The following TENM3 variants were observed in gnomAD, a reference collection of about 807,000 sequenced individuals.
The protein encoded by TENM3 is teneurin-3.
A neutral mutation model predicts 255.1 loss-of-function variants in TENM3; 63 were observed. The observed-to-expected ratio is 0.25, with a 90% CI of 0.20 to 0.30. The LOEUF (loss-of-function observed/expected upper bound fraction) is 0.30. Among genes scored for constraint, TENM3 ranks in the 10% least tolerant of loss-of-function variants. The probability of loss-of-function intolerance (pLI) is 1.00; values close to 1 mark genes in which losing one functional copy is unlikely to be tolerated. For synonymous variants in TENM3, 1,306 were observed against 1,322.3 expected, an observed-to-expected ratio of 0.99 and a Z score of 0.27; for missense variants, 2,929 against 3,461.1, an observed-to-expected ratio of 0.85 and a Z score of 3.86.
At chr4:181,533,696 A>G in the TENM3 span, among the ~76,000 whole-genome samples, 1 of 152,224 alleles carries the variant, frequency 6.6e-6, no homozygotes. Flanking sequence ...AACTATTTTC[A>G]GAGCCATTTT....
At chr4:182,081,948 C>T in the TENM3 span, 1 of 152,226 alleles carries the variant, frequency 6.6e-6, no homozygotes, top group South Asian at 2.1e-4. Flanking sequence ...GATACCAAAA[C>T]CCTATTGACA....
the TENM3 span, among the ~76,000 whole-genome samples, chr4:181,584,444 C>T: frequency 6.6e-6 from 1 of 152,180 alleles, no homozygotes; most frequent in African/African-American, 2.4e-5. Flanking sequence ...TACCAACATT[C>T]CACCTTGATG....
At chr4:181,633,156 A>T in the TENM3 span, among the ~76,000 whole-genome samples, 2 of 152,222 alleles carry the variant, frequency 1.3e-5, no homozygotes, top group Non-Finnish European at 2.9e-5. Flanking sequence ...GACAAAGGCT[A>T]TGCAGTTATT....
Position 182,799,780 on chromosome 4 carries a change from A to T in TENM3, c.7529A>T (p.Gln2510Leu), listed in dbSNP as rs1294629892. Residue 2510 changes from glutamine to leucine, a missense_variant, in exon 28 of 28, where the codon CAG becomes CTG. Physicochemically the swap from Gln to Leu is moderately radical, Grantham distance 113 (BLOSUM62 -2). Transcript: ENST00000511685. The surrounding 1 kb of genome is among the most constrained non-coding windows in gnomAD (Gnocchi z 4.2). ...CTGGCCGTCAGCCAGGGCCGCGTGC[A>T]GACCAACGTGCTCAACATCGCCAAC... The part of the protein sequence containing the change: ...VMLAVSQGRV[Q>L]TNVLNIANED... 3 of 1,595,828 alleles carry T rather than the reference A, an allele frequency of 1.9e-6. No individual in the cohort carries two copies. Among genetic ancestry groups the T allele is most frequent in the African/African-American group, 1.3e-5 (1 of 74,530 alleles).
At chr4:182,341,228 AT>A (rs963884626) in intron 2 of TENM3, among the ~76,000 whole-genome samples, 9 of 152,164 alleles carry the variant, frequency 5.9e-5, no homozygotes, top group African/African-American at 2.2e-4. Flanking sequence ...ATAGGCTTTA[AT>A]TTTTTCTTTA....
chr4:181,856,752 G>A, the TENM3 span, among the ~76,000 whole-genome samples: 1 of 152,162 alleles, frequency 6.6e-6, no homozygotes, highest in Admixed American at 6.5e-5. Context: ...GGCTCTCTCT[G>A]TTGTATTTAT....
intron 4 of TENM3, among the ~76,000 whole-genome samples, chr4:182,612,393 T>C (rs954895268): frequency 6.6e-6 from 1 of 152,108 alleles, no homozygotes; most frequent in African/African-American, 2.4e-5. Context: ...ACAGCATCAC[T>C]GTCAACTCCT....
At chr4:182,213,902 C>G (rs534064032) in intron 1 of TENM3, among the ~76,000 whole-genome samples, 1 of 151,894 alleles carries the variant, frequency 6.6e-6, no homozygotes, top group Non-Finnish European at 1.5e-5. Flanking sequence ...CCTGGGTTCA[C>G]GCCATTCTCC....
intron 8 of TENM3, among the ~76,000 whole-genome samples, 162 bp from the exon 9 acceptor site, chr4:182,680,086 G>A (rs1485747254): frequency 6.6e-6 from 1 of 152,180 alleles, no homozygotes; most frequent in Non-Finnish European, 1.5e-5. Flanking sequence ...CCTTGGGAGA[G>A]GAGAATATGT....
chr4:181,608,740 G>A, the TENM3 span, among the ~76,000 whole-genome samples: 1 of 152,166 alleles, frequency 6.6e-6, no homozygotes. Flanking sequence ...GCTGTGTCAA[G>A]GGGTTCAAGG....
chr4:181,656,507 A>G, the TENM3 span, among the ~76,000 whole-genome samples: 21 of 152,206 alleles, frequency 1.4e-4, no homozygotes, highest in African/African-American at 4.6e-4. Flanking sequence ...GATGACTGAC[A>G]TTCAGAACAC....
chr4:182,776,187 C>T (rs555840940), intron 24 of TENM3, among the ~76,000 whole-genome samples: 22 of 152,218 alleles, frequency 1.4e-4, no homozygotes, highest in African/African-American at 3.6e-4. Context: ...CCAAGGTAGG[C>T]GGACCACTTG....
intron 1 of TENM3, among the ~76,000 whole-genome samples, chr4:182,235,962 G>A (rs1053341486): frequency 1.3e-5 from 2 of 152,198 alleles, no homozygotes; most frequent in Non-Finnish European, 2.9e-5. Flanking sequence ...TATCCCAAGG[G>A]CAAAGAGAAG....
the TENM3 span, among the ~76,000 whole-genome samples, chr4:181,888,496 A>ATATATATGTATATATG: frequency 4.0e-5 from 1 of 24,696 alleles, no homozygotes; most frequent in Non-Finnish European, 1.1e-4. Flanking sequence ...AGAAATGTGT[A>ATATATATGTATATATG]TATATATATA....
At chr4:182,163,106 C>G (rs1361209741) in intron 1 of TENM3, among the ~76,000 whole-genome samples, 1 of 152,160 alleles carries the variant, frequency 6.6e-6, no homozygotes, top group East Asian at 1.9e-4. Context: ...GTCATTACGT[C>G]CTGCTCATTC....
the TENM3 span, among the ~76,000 whole-genome samples, chr4:181,685,746 T>C: frequency 6.7e-6 from 1 of 149,584 alleles, no homozygotes; most frequent in Admixed American, 6.6e-5. Flanking sequence ...GCAAATGTGC[T>C]TATGTCCCCT....
At chr4:182,556,931 G>C (rs1476437341) in intron 3 of TENM3, among the ~76,000 whole-genome samples, 2 of 152,150 alleles carry the variant, frequency 1.3e-5, no homozygotes, top group Admixed American at 1.3e-4. Context: ...TGTGCATTAG[G>C]TTACCCTAGA....
chr4:182,388,756 T>A (rs1042771010), intron 3 of TENM3, among the ~76,000 whole-genome samples: 2 of 152,230 alleles, frequency 1.3e-5, no homozygotes, highest in African/African-American at 2.4e-5. Context: ...TAAAGGAAAT[T>A]GAATGTGAAA....
the TENM3 span, among the ~76,000 whole-genome samples, chr4:181,711,304 C>T: frequency 6.6e-6 from 1 of 151,376 alleles, no homozygotes; most frequent in East Asian, 1.9e-4. Flanking sequence ...AATCATATAT[C>T]AGTTTAAATC....
Sources: gnomAD v4.1 joint callset for allele counts (sites outside exome capture counted in the v4.1 genomes callset) on GRCh38, gnomAD v4.1.1 for gene constraint, Gnocchi (gnomAD v3.1) non-coding constraint, MANE v1.5 for transcripts, NCBI Gene and HGNC (gene_info 2026-07-23, HGNC 2026-07-21) for gene names.